Variants in TRIO observed in about 807,000 individuals in gnomAD.
TRIO encodes triple functional domain protein.
In TRIO, 58 loss-of-function variants were observed where a neutral mutation model predicts 351.9. The observed-to-expected ratio is 0.16, with a 90% CI of 0.13 to 0.21. TRIO has a LOEUF of 0.21. TRIO is among the 10% of genes least tolerant of loss of function. The pLI, the probability that TRIO is intolerant of heterozygous loss-of-function variation, is 1.00. For missense variants in TRIO, 3,201 were observed against 4,027.8 expected (o/e 0.79, Z 5.56); for synonymous variants, 1,758 against 1,595.7 (o/e 1.10, Z -2.42).
At chr5:14,349,198 G>A (rs1561374191) in intron 11 of TRIO, among the ~76,000 whole-genome samples, 1 of 147,990 alleles carries the variant, frequency 6.8e-6, no homozygotes, top group Admixed American at 6.7e-5. Flanking sequence ...GTGTATATGT[G>A]TGCACACACA....
intron 9 of TRIO, among the ~76,000 whole-genome samples, chr5:14,321,000 C>T (rs1043143526): frequency 6.6e-6 from 1 of 152,232 alleles, no homozygotes; most frequent in Non-Finnish European, 1.5e-5. Flanking sequence ...GGCATATCTA[C>T]ACTTCAGTGA....
At chr5:14,458,736 T>C (rs1015384956) in intron 34 of TRIO, among the ~76,000 whole-genome samples, 2 of 152,336 alleles carry the variant, frequency 1.3e-5, no homozygotes, top group South Asian at 4.1e-4. Flanking sequence ...GAATAAATTG[T>C]CATCTGACAT....
At chr5:14,442,954 A>G (rs994501998) in intron 34 of TRIO, among the ~76,000 whole-genome samples, 17 of 152,210 alleles carry the variant, frequency 1.1e-4, no homozygotes, top group Non-Finnish European at 2.2e-4. Context: ...TTAGAACAAA[A>G]TATTTTAATG....
intron 7 of TRIO, among the ~76,000 whole-genome samples, chr5:14,301,108 G>A (rs1179526513): frequency 9.9e-5 from 15 of 152,104 alleles, no homozygotes; most frequent in Admixed American, 9.8e-4. Context: ...TCAGCAGACA[G>A]GGAGTAGTAG....
At chr5:14,212,342 C>T (rs922009676) in intron 1 of TRIO, among the ~76,000 whole-genome samples, 4 of 151,976 alleles carry the variant, frequency 2.6e-5, no homozygotes, top group Non-Finnish European at 5.9e-5. Context: ...CTGGTGGCTC[C>T]CTCTGATGTC....
In TRIO at chr5:14,497,258, CTTCT is replaced by C. The variant is rs1756964131; in HGVS notation, c.8019+242_8019+245del. On this transcript the variant is annotated intron_variant, in intron 50 of 56. Transcript: ENST00000344204. This position sits in a 1 kb window ranked among gnomAD's most constrained non-coding sequence, Gnocchi z 4.4. ...CACACTTCCGCAGGTGCACATGTGGCTTCTAAAGAATATGGTTAGGTTTGCAAAT... is the reference window on the plus strand; with the variant it reads ...CACACTTCCGCAGGTGCACATGTGGCAAAGAATATGGTTAGGTTTGCAAAT... Among the ~76,000 whole-genome samples the C allele has an allele frequency of 2.0e-5, 3 of 152,302 alleles. No homozygotes were observed. The highest frequency in any genetic ancestry group is 7.2e-5 in the African/African-American group (3 of 41,568).
chr5:14,220,961 C>G (rs948944485), intron 1 of TRIO, among the ~76,000 whole-genome samples: 1 of 152,218 alleles, frequency 6.6e-6, no homozygotes, highest in Non-Finnish European at 1.5e-5. Context: ...CTAGGACTTT[C>G]ACAGCTAGAG....
chr5:14,404,796 G>C (rs1363897065), intron 31 of TRIO, among the ~76,000 whole-genome samples: 4 of 152,114 alleles, frequency 2.6e-5, no homozygotes, highest in Admixed American at 2.6e-4. Flanking sequence ...TAATGTTAAA[G>C]ACAGGTCCTC....
chr5:14,162,408 T>C (rs1359918722), intron 1 of TRIO, among the ~76,000 whole-genome samples: 1 of 152,228 alleles, frequency 6.6e-6, no homozygotes, highest in East Asian at 1.9e-4. Flanking sequence ...TTCTAGCCCA[T>C]ATTCTTTGTA....
intron 7 of TRIO, among the ~76,000 whole-genome samples, chr5:14,301,446 A>G (rs1007986916): frequency 6.6e-6 from 1 of 152,052 alleles, no homozygotes; most frequent in African/African-American, 2.4e-5. Flanking sequence ...ATCAGATACT[A>G]AGACAGCTGC....
intron 29 of TRIO, among the ~76,000 whole-genome samples, chr5:14,398,281 G>A (rs911075775): frequency 2.5e-4 from 38 of 152,208 alleles, no homozygotes; most frequent in African/African-American, 8.7e-4. Context: ...GAAGAGAGGA[G>A]CAGTAGTGAA....
At chr5:14,364,573 T>G in intron 14 of TRIO, 77 bp from the exon 15 acceptor site, 2 of 1,511,310 alleles carry the variant, frequency 1.3e-6, no homozygotes, top group Non-Finnish European at 1.8e-6. Flanking sequence ...CAAAAGCAGA[T>G]TTTGTGCCAT....
intron 9 of TRIO, among the ~76,000 whole-genome samples, chr5:14,317,146 C>T (rs918569214): frequency 1.3e-5 from 2 of 152,184 alleles, no homozygotes; most frequent in African/African-American, 4.8e-5. Flanking sequence ...GTAGTGCAGT[C>T]CATGGTGCAC....
chr5:14,496,606 T>C (rs1231154871), intron 49 of TRIO, among the ~76,000 whole-genome samples: 1 of 152,234 alleles, frequency 6.6e-6, no homozygotes, highest in Admixed American at 6.5e-5. Context: ...AACAAATATC[T>C]AGGCGTCCTG....
intron 33 of TRIO, among the ~76,000 whole-genome samples, chr5:14,411,994 T>TC (rs1749248195): frequency 6.7e-6 from 1 of 149,848 alleles, no homozygotes; most frequent in Non-Finnish European, 1.5e-5. Flanking sequence ...TTTCTTTCTT[T>TC]TTTTTTTTTT....
At chr5:14,348,553 C>T (rs1579390275) in intron 11 of TRIO, among the ~76,000 whole-genome samples, 1 of 152,234 alleles carries the variant, frequency 6.6e-6, no homozygotes, top group East Asian at 1.9e-4. Context: ...TGTGTGCACA[C>T]ACATCAGCAT....
At position 14,481,689 on chromosome 5, in the gene TRIO, C is replaced by T. The variant is rs1442926396; in HGVS notation, c.6465+71C>T. 5.9e-6 allele frequency: 9 copies of T among 1,518,298 alleles called. No homozygotes were observed. The African/African-American group carries it at 6.9e-5, about 12-fold the overall frequency. 94.1% of individuals were successfully genotyped at this position (1,518,298 alleles called of 1,614,324 possible). On this transcript the variant is annotated intron_variant, in intron 45 of 56. Transcript: ENST00000344204. ...CTTTCTTTTGTCTTGGATTATTTCT[C>T]TCCACATAGAGAAAGCTGATCCTTT...
rs115099547 is a variant in TRIO at position 14,401,324 on chromosome 5, T to G, written c.4716+260T>G. 5.3e-3 allele frequency among the ~76,000 whole-genome samples: 814 copies of G among 152,340 alleles called. 6 individuals are homozygous for G. The highest frequency in any genetic ancestry group is 0.018 in the African/African-American group (766 of 41,574). ...CAAGGTCTTTTTATATTTTTCCCAT[T>G]CTTCCAGTCTTTGAATTCATTGACT... is the stretch of plus-strand genomic sequence containing the variant. On this transcript the variant is annotated intron_variant, in intron 31 of 56. Coordinates refer to ENST00000344204, the MANE Select transcript of TRIO (RefSeq NM_007118.4).
chr5:14,146,771 G>A (rs1399251777), intron 1 of TRIO, among the ~76,000 whole-genome samples: 1 of 152,210 alleles, frequency 6.6e-6, no homozygotes, highest in African/African-American at 2.4e-5. Context: ...AGTCCTCAGT[G>A]CCTAATCATT....
Sources: allele counts gnomAD v4.1 joint callset (sites outside exome capture counted in the v4.1 genomes callset), GRCh38; gene constraint gnomAD v4.1.1; non-coding constraint Gnocchi (gnomAD v3.1); transcripts MANE v1.5; gene names NCBI Gene and HGNC (gene_info 2026-07-23, HGNC 2026-07-21).